RPAP1: variants seen among roughly 807,000 people sequenced by gnomAD.
RPAP1 encodes the protein RNA polymerase II-associated protein 1.
A neutral mutation model predicts 142.4 loss-of-function variants in RPAP1; 109 were observed. The ratio of observed to expected loss-of-function variants is 0.77; its 90% CI spans 0.66 to 0.90. The LOEUF (loss-of-function observed/expected upper bound fraction) is 0.90. RPAP1 is among the 40% of genes least tolerant of loss of function. The pLI, the probability that RPAP1 is intolerant of heterozygous loss-of-function variation, is 0.00. For missense variants in RPAP1, 1,546 were observed against 1,751.7 expected, an observed-to-expected ratio of 0.88 and a Z score of 2.10; for synonymous variants, 704 against 738.9, an observed-to-expected ratio of 0.95 and a Z score of 0.77.
intron 1 of RPAP1, among the ~76,000 whole-genome samples, chr15:41,543,516 A>C (rs2051991450): frequency 6.6e-6 from 1 of 152,008 alleles, no homozygotes; most frequent in African/African-American, 2.4e-5. Context: ...CGCGGCCTCT[A>C]TGCTGTCTTA....
chr15:41,527,266 G>A lies in RPAP1; in HGVS notation c.1647C>T (p.Arg549=), dbSNP rs1400000543. The A allele has an allele frequency of 1.2e-6, 2 of 1,614,204 alleles. No homozygotes were observed. Among genetic ancestry groups the A allele is most frequent in the South Asian group, 2.2e-5 (2 of 91,088 alleles). The part of the protein sequence containing the change: ...LLATSLLPRL[R]YVLEVTYPGP... ...CTGGGTATGTCACCTCCAGCACGTA[G>A]CGCAGCCGAGGCAGCAGGCTGGTAG... The change falls in exon 13 of 25, where the codon CGC becomes CGT. Residue 549 remains arginine, a synonymous_variant. Coordinates refer to ENST00000304330, the MANE Select transcript of RPAP1 (RefSeq NM_015540.4).
chr15:41,536,788 C>A, intron 2 of RPAP1, 139 bp from the exon 3 acceptor site: 1 of 1,391,228 alleles, frequency 7.2e-7, no homozygotes, highest in Non-Finnish European at 9.8e-7. Context: ...CCTCTTTGAG[C>A]CTCATTTTCT....
rs143725774 is a variant in RPAP1, at chr15:41,520,429, C to A, written c.3757G>T (p.Val1253Leu). The A allele has an allele frequency of 1.3e-5, 21 of 1,613,610 alleles. No homozygotes were observed. The South Asian group carries it at 2.1e-4, about 16-fold the overall frequency. The change falls in exon 22 of 25, where the codon GTG (valine) becomes TTG (leucine). Residue 1253 changes from valine to leucine, a missense_variant. This residue lies in a region of RPAP1 where 210 missense variants were observed against 248.0 expected (regional missense o/e 0.85). Transcript: ENST00000304330. ...TLRLALFGEH[V>L]GALRALSLPL... ...AGGCTCAGAGCTCGCAAGGCTCCCA[C>A]GTGTTCCCCAAAGAGGGCAAGGCGC...
chr15:41,522,978 A>G lies in RPAP1; in HGVS notation c.2547-18T>C. On this transcript the variant is annotated intron_variant, in intron 18 of 24. Coordinates refer to ENST00000304330, the MANE Select transcript of RPAP1 (RefSeq NM_015540.4). Reference sequence around the variant, plus strand: ...AGCAGTGCCTGTAGGTGAAGTGGAGAGTCTGAGGGGGACTCTGGCCTGGCG... The same window carrying G: ...AGCAGTGCCTGTAGGTGAAGTGGAGGGTCTGAGGGGGACTCTGGCCTGGCG... 1 of 1,505,954 alleles carries G rather than the reference A, an allele frequency of 6.6e-7. No individual in the cohort carries two copies. The highest frequency in any genetic ancestry group is 8.8e-7 in the Non-Finnish European group (1 of 1,135,260). 93.3% of individuals were successfully genotyped at this position (1,505,954 alleles called of 1,614,324 possible). A position where few individuals can be genotyped will look rare whatever the true frequency, so the allele number is the denominator to read the frequency against.
In RPAP1 at chr15:41,525,051, G is replaced by A. The variant is rs1449580519; in HGVS notation, c.2015C>T (p.Thr672Ile). Residue 672 changes from threonine to isoleucine, a missense_variant, in exon 15 of 25, where the codon ACC becomes ATC. Coordinates refer to ENST00000304330, the MANE Select transcript of RPAP1 (RefSeq NM_015540.4). ...LPPEEAEMLS[T>I]EALRLWAVAA... ...CACAGCCCACAGACGGAGGGCCTCG[G>A]TGCTCAGCATCTCAGCTTCCTCTGG... The A allele has an allele frequency of 2.5e-6, 4 of 1,613,972 alleles. No individual in the cohort carries two copies. Among genetic ancestry groups the A allele is most frequent in the Non-Finnish European group, 3.4e-6 (4 of 1,180,002 alleles).
At chr15:41,543,251 CCAGGCTGGAGTG>C (rs1391535174) in intron 1 of RPAP1, among the ~76,000 whole-genome samples, 1 of 143,988 alleles carries the variant, frequency 6.9e-6, no homozygotes, top group Admixed American at 7.3e-5. Flanking sequence ...CTCTTGTTGC[CCAGGCTGGAGTG>C]CAATAGCACG....
intron 14 of RPAP1, 115 bp from the exon 15 acceptor site, chr15:41,525,263 C>G: frequency 1.4e-6 from 1 of 691,708 alleles, no homozygotes; most frequent in Admixed American, 3.6e-5. Flanking sequence ...TCTGGTGCCA[C>G]AAAGTCATAC....
chr15:41,529,579 G>C lies in RPAP1; in HGVS notation c.1060-11C>G. Reference sequence around the variant, plus strand: ...TCGAGCCTGCATCCTCTAATGGGAAGAGAAAGAGGACTGTGGTCTGGGGGC... The same window carrying C: ...TCGAGCCTGCATCCTCTAATGGGAACAGAAAGAGGACTGTGGTCTGGGGGC... On this transcript the variant is annotated splice_polypyrimidine_tract_variant and intron_variant, in intron 8 of 24. Transcript: ENST00000304330. 6.3e-7 allele frequency: 1 copy of C among 1,582,520 alleles called. No individual in the cohort carries two copies. The highest frequency in any genetic ancestry group is 8.7e-7 in the Non-Finnish European group (1 of 1,153,206).
At chr15:41,524,382 TGGAAGGCTCAGC>T in intron 15 of RPAP1, 128 bp from the exon 16 acceptor site, 6 of 735,180 alleles carry the variant, frequency 8.2e-6, no homozygotes, top group African/African-American at 1.8e-5. Context: ...GGGGCACTCT[TGGAAGGCTCAGC>T]CCTAAAGAAT....
Position 41,521,809 on chromosome 15 carries a change from C to T in RPAP1, c.2967G>A (p.Arg989=). Residue 989 remains arginine, a synonymous_variant, in exon 21 of 25, where the codon CGG becomes CGA. Coordinates refer to ENST00000304330, the MANE Select transcript of RPAP1 (RefSeq NM_015540.4). ...TGAGGTACTCACTTCCGGGCAGCAG[C>T]CGGCTCAGCAGGGCCAAGGCCATAC... ...YHGMALALLS[R]LLPGSEYLTH... 6.2e-7 allele frequency: 1 copy of T among 1,614,172 alleles called. No individual in the cohort carries two copies. Among genetic ancestry groups the T allele is most frequent in the Non-Finnish European group, 8.5e-7 (1 of 1,180,044 alleles).
chr15:41,535,763 A>C (rs1424267565), intron 4 of RPAP1, 131 bp from the exon 5 acceptor site: 39 of 1,310,936 alleles, frequency 3.0e-5, no homozygotes, highest in Non-Finnish European at 4.0e-5. Flanking sequence ...TCACAACCCT[A>C]GTTCTCAGAA....
chr15:41,535,750 G>A, intron 4 of RPAP1, 118 bp from the exon 5 acceptor site: 1 of 1,387,326 alleles, frequency 7.2e-7, no homozygotes, highest in Non-Finnish European at 9.7e-7. Flanking sequence ...CAATTTCCAG[G>A]GATCACAACC....
At chr15:41,539,572 A>C (rs2051950150) in intron 1 of RPAP1, among the ~76,000 whole-genome samples, 1 of 151,932 alleles carries the variant, frequency 6.6e-6, no homozygotes, top group Non-Finnish European at 1.5e-5. Flanking sequence ...CTGGGATTAC[A>C]GGCGTGAGCC....
In RPAP1 at chr15:41,523,859, G is replaced by A. The variant is rs1324612731; in HGVS notation, c.2348C>T (p.Ser783Phe). 1.2e-6 allele frequency: 2 copies of A among 1,608,746 alleles called. No individual in the cohort carries two copies. The highest frequency in any genetic ancestry group is 1.3e-5 in the African/African-American group (1 of 74,828). ...CACGGCTCTCCACATCTCAGGTCTG[G>A]ACAGCAACTTCAAGGTCTGCCTTAG... ...PCLRQTLKLL[S>F]RPEMWRAVGP... Residue 783 changes from serine to phenylalanine, a missense_variant, in exon 17 of 25, where the codon TCC becomes TTC. Around this residue, in one of 3 missense-constraint regions of RPAP1, gnomAD observed 1,333 missense variants for 1,486.6 expected, o/e 0.90. Transcript: ENST00000304330.
rs768145501 is a variant in RPAP1, at chr15:41,523,623, G to A, written c.2436+148C>T. On this transcript the variant is annotated intron_variant, in intron 17 of 24. Coordinates refer to ENST00000304330, the MANE Select transcript of RPAP1 (RefSeq NM_015540.4). ...GAAGCTCCACGGGGATATGGAGGTA[G>A]AAAGAGGAGGAAGGGTAGGAATTAA... The A allele has an allele frequency of 2.0e-4, 164 of 803,908 alleles. 1 individual carries two copies. Among genetic ancestry groups the A allele is most frequent in the Non-Finnish European group, 3.0e-4 (150 of 502,870 alleles). The allele number at this position is 803,908 out of a possible 1,614,324, so 49.8% of individuals were successfully genotyped here. A position where few individuals can be genotyped will look rare whatever the true frequency, so the allele number is the denominator to read the frequency against.
In RPAP1 at chr15:41,522,161, A is replaced by G. The variant is rs2051732301; in HGVS notation, c.2832T>C (p.Ser944=). 6.2e-7 allele frequency: 1 copy of G among 1,614,052 alleles called. No homozygotes were observed. The highest frequency in any genetic ancestry group is 1.7e-5 in the Admixed American group (1 of 60,032). ...GGTACTCATGGCGCAGGGCCCATGC[A>G]GAGAAAGGTGTGAGGTGTGGGGCAG... ...PGAAPHLTPF[S]AWALRHEYHL... is the part of the protein sequence containing the mutation. The change falls in exon 20 of 25, where the codon TCT becomes TCC. Residue 944 remains serine (S), a synonymous_variant. Coordinates refer to ENST00000304330, the MANE Select transcript of RPAP1 (RefSeq NM_015540.4).
chr15:41,529,032 G>A (rs1173035653), intron 9 of RPAP1, among the ~76,000 whole-genome samples: 2 of 152,158 alleles, frequency 1.3e-5, no homozygotes, highest in African/African-American at 2.4e-5. Flanking sequence ...ACCAGAATAC[G>A]GAGAGAGGAT....
rs754513330 is a variant in RPAP1, at chr15:41,525,095, G to A, written c.1971C>T (p.Pro657=). ...SRLCRIIAEA[P]QELALPPEEA... ...CCTCTGGGGGCAAGGCCAGTTCTTGGGGAGCCTCAGCTATGATGCGGCACA... is the reference window on the plus strand; with the variant it reads ...CCTCTGGGGGCAAGGCCAGTTCTTGAGGAGCCTCAGCTATGATGCGGCACA... The change falls in exon 15 of 25, where the codon CCC becomes CCT. Residue 657 remains proline (P), a synonymous_variant. Transcript: ENST00000304330. 1.2e-6 allele frequency: 2 copies of A among 1,613,914 alleles called. No homozygotes were observed. The highest frequency in any genetic ancestry group is 2.7e-5 in the African/African-American group (2 of 75,020).
Position 41,529,499 on chromosome 15 carries a change from C to T in RPAP1, c.1129G>A (p.Gly377Ser). 6.2e-7 allele frequency: 1 copy of T among 1,613,528 alleles called. No homozygotes were observed. The highest frequency in any genetic ancestry group is 1.3e-5 in the African/African-American group (1 of 75,022). Reference protein sequence around the residue: ...APDVDLPTHLGLHHHGEEAER... With the variant: ...APDVDLPTHLSLHHHGEEAER... ...GCCTCCTCTCCATGGTGGTGCAGAC[C>T]CAGGTGGGTGGGCAGGTCCACGTCA... Residue 377 changes from glycine to serine, a missense_variant, in exon 9 of 25, where the codon GGT becomes AGT. This residue lies in a region of RPAP1 where 1,333 missense variants were observed against 1,486.6 expected (regional missense o/e 0.90). Transcript: ENST00000304330.
Sources: allele counts gnomAD v4.1 joint callset (sites outside exome capture counted in the v4.1 genomes callset), GRCh38; gene constraint gnomAD v4.1.1; regional missense constraint gnomAD v4.1.1; transcripts MANE v1.5; gene names NCBI Gene and HGNC (gene_info 2026-07-23, HGNC 2026-07-21).